The following TRIP11 variants were observed in gnomAD, a reference collection of about 807,000 sequenced individuals.
The protein encoded by TRIP11 is thyroid hormone receptor interactor 11, also known as thyroid receptor-interacting protein 11.
A neutral mutation model predicts 223.1 loss-of-function variants in TRIP11; 148 were observed. That is an observed-to-expected ratio of 0.66 (90% confidence interval 0.58 to 0.76). TRIP11 has a LOEUF of 0.76. TRIP11 is among the 30% of genes least tolerant of loss of function. TRIP11 has a pLI of 0.00. For synonymous variants in TRIP11, 762 were observed against 772.6 expected (o/e 0.99, Z 0.23); for missense variants, 2,043 against 2,222.0 (o/e 0.92, Z 1.62).
rs200739251 is a variant in TRIP11 at position 92,004,876 on chromosome 14, G to T, written c.3100C>A (p.Leu1034Ile). 2 of 1,613,718 alleles carry T rather than the reference G, an allele frequency of 1.2e-6. No homozygotes were observed. Among genetic ancestry groups the T allele is most frequent in the Admixed American group, 3.3e-5 (2 of 59,982 alleles). Residue 1034 changes from leucine to isoleucine, a missense_variant, in exon 11 of 21, where the codon CTT becomes ATT. By Grantham distance (5) the Leu-to-Ile change is conservative (BLOSUM62 2). Transcript: ENST00000267622. Reference sequence around the variant, plus strand: ...AAAGATATATTCTTTTCATTTAGAAGTTTAATCTCCAGTTCTCGCTCTTTT... The same window carrying T: ...AAAGATATATTCTTTTCATTTAGAATTTTAATCTCCAGTTCTCGCTCTTTT... ...GIKERELEIK[L>I]LNEKNISLTK...
intron 2 of TRIP11, among the ~76,000 whole-genome samples, chr14:92,029,497 T>C (rs1461759813): frequency 6.6e-6 from 1 of 151,982 alleles, no homozygotes; most frequent in Admixed American, 6.6e-5. Flanking sequence ...GGTTTCACCA[T>C]GTCGGTCAGG....
At chr14:92,000,210 T>C (rs2056806550) in intron 11 of TRIP11, 102 bp from the exon 12 acceptor site, 1 of 1,534,322 alleles carries the variant, frequency 6.5e-7, no homozygotes, top group Admixed American at 1.8e-5. Flanking sequence ...AATTTTTAAA[T>C]AGGGCAGCCT....
intron 4 of TRIP11, among the ~76,000 whole-genome samples, chr14:92,018,089 T>A (rs988452671): frequency 4.6e-5 from 7 of 151,668 alleles, no homozygotes; most frequent in African/African-American, 1.7e-4. Context: ...GAAATTTCTT[T>A]TTCCTTTCTT....
chr14:91,977,747 T>G (rs2140085999), intron 16 of TRIP11, among the ~76,000 whole-genome samples: 1 of 152,306 alleles, frequency 6.6e-6, no homozygotes, highest in East Asian at 1.9e-4. Flanking sequence ...GTTTGCTTTA[T>G]GTTTTCATTC....
In TRIP11 at chr14:91,969,875, G is replaced by C; in HGVS notation, c.5738C>G (p.Ser1913Cys). 6.2e-7 allele frequency: 1 copy of C among 1,614,066 alleles called. No individual in the cohort carries two copies. Among genetic ancestry groups the C allele is most frequent in the South Asian group, 1.1e-5 (1 of 91,042 alleles). ...CGGATTTACATCTGTTCTTCTACCA[G>C]ACCTGGATTCTGCTGTATCTAAAGA... ...ESFKDTAESR[S>C]GRRTDVNPFL... The change falls in exon 21 of 21, where the codon TCT becomes TGT. Residue 1913 changes from serine (S) to cysteine (C), a missense_variant. Ser to Cys is a moderately radical substitution (Grantham distance 112, BLOSUM62 -1). Transcript: ENST00000267622.
chr14:91,987,760 G>A (rs1170952355), intron 16 of TRIP11, among the ~76,000 whole-genome samples: 4 of 152,104 alleles, frequency 2.6e-5, no homozygotes, highest in Admixed American at 2.6e-4. Flanking sequence ...ATAATCCTAA[G>A]CATAGGACAT....
At chr14:92,033,110 AAAAG>A in intron 2 of TRIP11, 78 bp downstream of exon 2, 1 of 1,097,600 alleles carries the variant, frequency 9.1e-7, no homozygotes, top group Non-Finnish European at 1.4e-6. Context: ...AGTACATTTA[AAAAG>A]AAAGGATCAA....
At chr14:92,025,481 G>T in intron 2 of TRIP11, 61 bp from the exon 3 acceptor site, 1 of 1,199,938 alleles carries the variant, frequency 8.3e-7, no homozygotes, top group Non-Finnish European at 1.2e-6. Context: ...TTAGTTATGT[G>T]CACAGCATTA....
intron 2 of TRIP11, 90 bp from the exon 3 acceptor site, chr14:92,025,510 C>CCCG: frequency 3.6e-6 from 3 of 832,944 alleles, no homozygotes; most frequent in Non-Finnish European, 5.8e-6. Context: ...GTACTGCTTT[C>CCCG]CCCCCCCAAA....
chr14:92,034,989 T>C (rs2057308346), intron 1 of TRIP11, among the ~76,000 whole-genome samples: 1 of 151,762 alleles, frequency 6.6e-6, no homozygotes, highest in Non-Finnish European at 1.5e-5. Flanking sequence ...AGTGTCAACA[T>C]GGCACCACTA....
Position 92,003,857 on chromosome 14 carries a change from C to T in TRIP11, c.4119G>A (p.Leu1373=). Residue 1373 remains leucine, a synonymous_variant, in exon 11 of 21, where the codon TTG becomes TTA. Coordinates refer to ENST00000267622, the MANE Select transcript of TRIP11 (RefSeq NM_004239.4). The part of the protein sequence containing the change: ...IRTLQENNHR[L]SDSIAATSEL... ...CTGAGGTGGCAGCAATCGAATCAGA[C>T]AATCTGTGGTTATTTTCCTGGAGAG... 1 of 1,614,040 alleles carries T rather than the reference C, an allele frequency of 6.2e-7. No individual in the cohort carries two copies. The highest frequency in any genetic ancestry group is 8.5e-7 in the Non-Finnish European group (1 of 1,180,026).
intron 11 of TRIP11, among the ~76,000 whole-genome samples, chr14:92,000,786 C>T (rs547269127): frequency 6.6e-6 from 1 of 151,946 alleles, no homozygotes; most frequent in East Asian, 1.9e-4. Flanking sequence ...AGTAGGGCCA[C>T]AAGTTTCAGA....
At chr14:92,009,660 C>T (rs1171403098) in intron 9 of TRIP11, among the ~76,000 whole-genome samples, 2 of 152,070 alleles carry the variant, frequency 1.3e-5, no homozygotes, top group African/African-American at 2.4e-5. Flanking sequence ...AAGAATCCCA[C>T]AATACACAGT....
chr14:92,035,307 C>A (rs1372583755), intron 1 of TRIP11, among the ~76,000 whole-genome samples: 1 of 151,504 alleles, frequency 6.6e-6, no homozygotes, highest in African/African-American at 2.4e-5. Flanking sequence ...GGCGACAGAG[C>A]AAGACTCGGT....
intron 2 of TRIP11, among the ~76,000 whole-genome samples, chr14:92,031,847 C>CT (rs960329572): frequency 7.9e-5 from 12 of 152,274 alleles, no homozygotes; most frequent in Admixed American, 5.9e-4. Context: ...AGGTCTCACT[C>CT]TGTTGCCCGG....
At chr14:92,029,202 G>A (rs1052252463) in intron 2 of TRIP11, among the ~76,000 whole-genome samples, 2 of 149,762 alleles carry the variant, frequency 1.3e-5, no homozygotes, top group African/African-American at 2.5e-5. Flanking sequence ...ACAAGAAAAC[G>A]GAAAACTTAT....
chr14:91,972,585 T>TA (rs2056413134), intron 20 of TRIP11, 132 bp downstream of exon 20: 4 of 887,440 alleles, frequency 4.5e-6, no homozygotes, highest in Non-Finnish European at 6.7e-6. Context: ...CCTGATGCCT[T>TA]ATTGGAATTC....
At chr14:92,007,072 C>A (rs548633381) in intron 10 of TRIP11, among the ~76,000 whole-genome samples, 58 of 150,892 alleles carry the variant, frequency 3.8e-4, no homozygotes, top group Non-Finnish European at 7.1e-4. Context: ...GTTGCCCAGG[C>A]TGGAGTGCAG....
rs763295683 is a variant in TRIP11 at position 92,014,286 on chromosome 14, G to A, written c.1115C>T (p.Thr372Ile). 41 of 1,613,932 alleles carry A rather than the reference G, an allele frequency of 2.5e-5. 1 individual carries two copies. Among genetic ancestry groups the A allele is most frequent in the Non-Finnish European group, 2.4e-5 (28 of 1,180,002 alleles). ...CTGGGCAAGAATTCTTTCCTTTTCT[G>A]TCATAGTATCACTTTGCTTCACAGC... ...PSAVKQSDTM[T>I]EKERILAQSA... The change falls in exon 7 of 21, where the codon ACA becomes ATA. Residue 372 changes from threonine to isoleucine, a missense_variant. Thr to Ile is a moderately conservative substitution (Grantham distance 89). Transcript: ENST00000267622.
Sources: gnomAD v4.1 joint callset for allele counts (sites outside exome capture counted in the v4.1 genomes callset) on GRCh38, gnomAD v4.1.1 for gene constraint, MANE v1.5 for transcripts, NCBI Gene and HGNC (gene_info 2026-07-23, HGNC 2026-07-21) for gene names.